COL9A2: variants seen among roughly 807,000 people sequenced by gnomAD.
The protein encoded by COL9A2 is collagen type IX alpha 2 chain.
COL9A2 carries 66 observed loss-of-function variants against 111.6 expected under a neutral mutation model. The ratio of observed to expected loss-of-function variants is 0.59; its 90% CI spans 0.48 to 0.73. The LOEUF (loss-of-function observed/expected upper bound fraction) is 0.73, where lower values mean the gene tolerates loss of function less well. Ranked by LOEUF, COL9A2 falls within the 30% of genes least tolerant of loss-of-function variation. The probability of loss-of-function intolerance (pLI) is 0.00; values close to 1 mark genes in which losing one functional copy is unlikely to be tolerated. For missense variants in COL9A2, 881 were observed against 954.1 expected (o/e 0.92, Z 1.01); for synonymous variants, 353 against 364.1 (o/e 0.97, Z 0.35).
rs1370322349 is a variant in COL9A2 at position 40,312,050 on chromosome 1, G to A, written c.417+9C>T. On this transcript the variant is annotated intron_variant, in intron 8 of 31. Coordinates refer to ENST00000372748, the MANE Select transcript of COL9A2 (RefSeq NM_001852.4). The surrounding 1 kb of genome is among the most constrained non-coding windows in gnomAD (Gnocchi z 6.0). The stretch of plus-strand genomic sequence containing the variant: ...AGGAGGCAGTGAACAGAGGGTGGCT[G>A]AGGCTCACCTTGGGGCCTCGGATTC... The A allele has an allele frequency of 6.3e-7, 1 of 1,598,016 alleles. No homozygotes were observed. Among genetic ancestry groups the A allele is most frequent in the Non-Finnish European group, 8.5e-7 (1 of 1,173,960 alleles).
chr1:40,317,230 T>C lies in COL9A2; in HGVS notation c.-33A>G. ...GGCGAGACCAAGGGGGACGGGTGCG[T>C]GTCCGCGCACGCACCGACGGCAGAG... On this transcript the variant is annotated 5_prime_UTR_variant, in exon 1 of 32. Transcript: ENST00000372748. This position sits in a 1 kb window ranked among gnomAD's most constrained non-coding sequence, Gnocchi z 4.3. 1 of 1,493,388 alleles carries C rather than the reference T, an allele frequency of 6.7e-7. No individual in the cohort carries two copies. Among genetic ancestry groups the C allele is most frequent in the Non-Finnish European group, 9.0e-7 (1 of 1,107,482 alleles). The allele number at this position is 1,493,388 out of a possible 1,614,324, so 92.5% of individuals were successfully genotyped here. A position where few individuals can be genotyped will look rare whatever the true frequency, so the allele number is the denominator to read the frequency against.
At chr1:40,315,229 C>G in intron 2 of COL9A2, 1 of 1,072,062 alleles carries the variant, frequency 9.3e-7, no homozygotes, top group South Asian at 3.2e-5. Flanking sequence ...CCAAGGCTCC[C>G]AAGCGAACCT....
rs942821077 is a variant in COL9A2, at chr1:40,315,345, C to T, written c.150+245G>A. The T allele has an allele frequency of 3.4e-5, 46 of 1,341,912 alleles. No homozygotes were observed. The African/African-American group carries it at 6.7e-4, about 20-fold the overall frequency. The allele number at this position is 1,341,912 out of a possible 1,614,324, so 83.1% of individuals were successfully genotyped here. A position where few individuals can be genotyped will look rare whatever the true frequency, so the allele number is the denominator to read the frequency against. ...GGGGATGAGGCCTCGCTGTGAGCTG[C>T]GGCCGGCGGACTGAACAGCAGCTCC... is the stretch of plus-strand genomic sequence containing the variant. On this transcript the variant is annotated intron_variant, in intron 2 of 31. Transcript: ENST00000372748.
intron 24 of COL9A2, 34 bp downstream of exon 24, chr1:40,304,286 C>A (rs1431342024): frequency 7.7e-6 from 12 of 1,551,262 alleles, no homozygotes; most frequent in Non-Finnish European, 1.0e-5. Context: ...TTATAGGGCC[C>A]CTTTCCCAGG....
intron 25 of COL9A2, 40 bp from the exon 26 acceptor site, chr1:40,304,012 G>A (rs749271669): frequency 3.2e-6 from 5 of 1,570,874 alleles, no homozygotes; most frequent in Non-Finnish European, 4.3e-6. Flanking sequence ...GGTGGCGGCG[G>A]GGACGCAGAG....
rs750048263 is a variant in COL9A2 at position 40,303,563 on chromosome 1, G to C, written c.1515C>G (p.Gly505=). ...PGPRGLAGNR[G]VPGQPGRQGV... is the part of the protein sequence containing the mutation. ...CCTGTCTCCCGGGCTGTCCTGGCAC[G>C]CCTCGGTTCCCGGCCAGTCCTCGAG... The change falls in exon 28 of 32, where the codon GGC becomes GGG. Residue 505 remains glycine, a synonymous_variant. Coordinates refer to ENST00000372748, the MANE Select transcript of COL9A2 (RefSeq NM_001852.4). This position sits in a 1 kb window ranked among gnomAD's most constrained non-coding sequence, Gnocchi z 4.6. 1 of 1,611,356 alleles carries C rather than the reference G, an allele frequency of 6.2e-7. No individual in the cohort carries two copies. Among genetic ancestry groups the C allele is most frequent in the African/African-American group, 1.3e-5 (1 of 74,698 alleles).
chr1:40,310,750 C>G lies in COL9A2; in HGVS notation c.648G>C (p.Val216=), dbSNP rs776355717. 1.9e-6 allele frequency: 3 copies of G among 1,563,634 alleles called. No individual in the cohort carries two copies. ...GGATGCCTTGCTCTCCAGAGGCACC[C>G]ACATCTCCCTTGGGACCCTAAAGGG... ...HQGKPGPKGD[V]GASGEQGIPG... is the part of the protein sequence containing the mutation. The change falls in exon 13 of 32, where the codon GTG becomes GTC. Residue 216 remains valine (V), a synonymous_variant. Coordinates refer to ENST00000372748, the MANE Select transcript of COL9A2 (RefSeq NM_001852.4). The surrounding 1 kb of genome is among the most constrained non-coding windows in gnomAD (Gnocchi z 4.9).
At position 40,312,327 on chromosome 1, in the gene COL9A2, G is replaced by C. The variant is rs946343651; in HGVS notation, c.363+129C>G. 3.7e-6 allele frequency: 5 copies of C among 1,349,392 alleles called. No individual in the cohort carries two copies. Among genetic ancestry groups the C allele is most frequent in the Non-Finnish European group, 5.2e-6 (5 of 963,672 alleles). 83.6% of individuals were successfully genotyped at this position (1,349,392 alleles called of 1,614,324 possible). A position where few individuals can be genotyped will look rare whatever the true frequency, so the allele number is the denominator to read the frequency against. ...TGGGCTGGCCCTGGGTCTCTGGCAG[G>C]TCCACTTATTCCTGACACTATCACA... is the stretch of plus-strand genomic sequence containing the variant. On this transcript the variant is annotated intron_variant, in intron 7 of 31. Coordinates refer to ENST00000372748, the MANE Select transcript of COL9A2 (RefSeq NM_001852.4). This position sits in a 1 kb window ranked among gnomAD's most constrained non-coding sequence, Gnocchi z 6.0.
At chr1:40,315,790 G>C (rs1644209999) in intron 1 of COL9A2, 126 bp from the exon 2 acceptor site, 2 of 636,614 alleles carry the variant, frequency 3.1e-6, no homozygotes, top group Admixed American at 3.0e-5. Flanking sequence ...CCCACGTATT[G>C]AGAATCTTCT....
Position 40,311,915 on chromosome 1 carries a change from C to T in COL9A2, c.417+144G>A. 4.8e-6 allele frequency: 5 copies of T among 1,034,170 alleles called. No homozygotes were observed. Among genetic ancestry groups the T allele is most frequent in the Non-Finnish European group, 7.4e-6 (5 of 677,526 alleles). 64.1% of individuals were successfully genotyped at this position (1,034,170 alleles called of 1,614,324 possible). A position where few individuals can be genotyped will look rare whatever the true frequency, so the allele number is the denominator to read the frequency against. ...CCTAAAAGACCTAGTGCCGGGTGGG[C>T]TCATAGGAGGGGTTTCTGCCCCAGA... is the stretch of plus-strand genomic sequence containing the variant. On this transcript the variant is annotated intron_variant, in intron 8 of 31. Transcript: ENST00000372748. The surrounding 1 kb of genome is among the most constrained non-coding windows in gnomAD (Gnocchi z 5.1).
In COL9A2 at chr1:40,301,394, G is replaced by GA; in HGVS notation, c.1871-14dup. On this transcript the variant is annotated splice_polypyrimidine_tract_variant and intron_variant, in intron 31 of 31. Coordinates refer to ENST00000372748, the MANE Select transcript of COL9A2 (RefSeq NM_001852.4). ...CGGCCAGGGAGTCCTGTGAACAGGA[G>GA]AAAGTCAAGACATTAGGGGCACCTC... 1.2e-6 allele frequency: 2 copies of GA among 1,602,802 alleles called. No individual in the cohort carries two copies. The highest frequency in any genetic ancestry group is 1.7e-6 in the Non-Finnish European group (2 of 1,174,588).
Position 40,314,449 on chromosome 1 carries a change from A to C in COL9A2, c.151-62T>G. On this transcript the variant is annotated intron_variant, in intron 2 of 31. Transcript: ENST00000372748. This position sits in a 1 kb window ranked among gnomAD's most constrained non-coding sequence, Gnocchi z 4.1. ...CTCACACTACCCCAAGTGGGCACAC[A>C]CAGGCCCTGGCAGGCCGCTCCCAAA... 2 of 1,606,152 alleles carry C rather than the reference A, an allele frequency of 1.2e-6. No individual in the cohort carries two copies. Among genetic ancestry groups the C allele is most frequent in the Non-Finnish European group, 1.7e-6 (2 of 1,172,766 alleles).
At position 40,311,325 on chromosome 1, in the gene COL9A2, G is replaced by A. The variant is rs1644121134; in HGVS notation, c.520-39C>T. 1.9e-6 allele frequency: 3 copies of A among 1,606,664 alleles called. No homozygotes were observed. The highest frequency in any genetic ancestry group is 2.2e-5 in the South Asian group (2 of 90,216). ...ATCCCACAGGGTCCTGTGATCAGCT[G>A]GGCAGTGCGCCCCCATCTCTCCAAG... On this transcript the variant is annotated intron_variant, in intron 10 of 31. Transcript: ENST00000372748. This position sits in a 1 kb window ranked among gnomAD's most constrained non-coding sequence, Gnocchi z 5.1.
rs1476294427 is a variant in COL9A2, at chr1:40,303,688, TG to T, written c.1402-13del. ...CCACGTACTCCTTGCTGCGGGGGGA[TG>T]GGGGTGGGAGCAGAGCCGGGTGAGA... On this transcript the variant is annotated splice_polypyrimidine_tract_variant and intron_variant, in intron 27 of 31. Transcript: ENST00000372748. This position sits in a 1 kb window ranked among gnomAD's most constrained non-coding sequence, Gnocchi z 4.6. 22 of 1,186,868 alleles carry T rather than the reference TG, an allele frequency of 1.9e-5. No individual in the cohort carries two copies. The highest frequency in any genetic ancestry group is 2.4e-5 in the Non-Finnish European group (22 of 930,224). 73.5% of individuals were successfully genotyped at this position (1,186,868 alleles called of 1,614,324 possible).
chr1:40,304,263 C>A (rs1643983589), intron 24 of COL9A2, 57 bp downstream of exon 24: 2 of 1,542,648 alleles, frequency 1.3e-6, no homozygotes, highest in Admixed American at 2.0e-5. Flanking sequence ...TCCTGCCGAC[C>A]CCACTCCCCC....
Position 40,311,010 on chromosome 1 carries a change from G to A in COL9A2, c.630+83C>T. The A allele has an allele frequency of 1.3e-6, 2 of 1,563,240 alleles. No individual in the cohort carries two copies. Among genetic ancestry groups the A allele is most frequent in the South Asian group, 1.1e-5 (1 of 89,984 alleles). On this transcript the variant is annotated intron_variant, in intron 12 of 31. Transcript: ENST00000372748. This position sits in a 1 kb window ranked among gnomAD's most constrained non-coding sequence, Gnocchi z 5.1. The stretch of plus-strand genomic sequence containing the variant: ...CTGTCCCCAGAACCCACAGGGGAAG[G>A]GGAAGGGACGAAGAAGGGGACAGAG...
At chr1:40,301,789 G>A in intron 31 of COL9A2, 23 bp downstream of exon 31, 6 of 1,610,990 alleles carry the variant, frequency 3.7e-6, no homozygotes, top group Non-Finnish European at 5.1e-6. Context: ...ACACACTGCA[G>A]CTGGGCAGGG....
chr1:40,310,635 G>T lies in COL9A2; in HGVS notation c.684+79C>A. 1 of 1,255,182 alleles carries T rather than the reference G, an allele frequency of 8.0e-7. No individual in the cohort carries two copies. The highest frequency in any genetic ancestry group is 1.1e-6 in the Non-Finnish European group (1 of 876,446). The allele number at this position is 1,255,182 out of a possible 1,614,324, so 77.8% of individuals were successfully genotyped here. A position where few individuals can be genotyped will look rare whatever the true frequency, so the allele number is the denominator to read the frequency against. ...ACAGGTGTCTCTTTTACAAGCTAGA[G>T]GCCTGAGCAGGGGAATGACTCCATG... On this transcript the variant is annotated intron_variant, in intron 13 of 31. Coordinates refer to ENST00000372748, the MANE Select transcript of COL9A2 (RefSeq NM_001852.4). This position sits in a 1 kb window ranked among gnomAD's most constrained non-coding sequence, Gnocchi z 4.9.
chr1:40,303,041 C>T lies in COL9A2; in HGVS notation c.1603+90G>A. 1 of 1,401,570 alleles carries T rather than the reference C, an allele frequency of 7.1e-7. No homozygotes were observed. Among genetic ancestry groups the T allele is most frequent in the Non-Finnish European group, 9.9e-7 (1 of 1,010,566 alleles). The allele number at this position is 1,401,570 out of a possible 1,614,324, so 86.8% of individuals were successfully genotyped here. ...AGGAGCCCCCAGGACTCCAGATTTT[C>T]AGACAAGTGAACACGTGGAGGCTCC... On this transcript the variant is annotated intron_variant, in intron 29 of 31. Transcript: ENST00000372748. This position sits in a 1 kb window ranked among gnomAD's most constrained non-coding sequence, Gnocchi z 4.6.
Sources: allele counts gnomAD v4.1 joint callset, GRCh38; gene constraint gnomAD v4.1.1; non-coding constraint Gnocchi (gnomAD v3.1); transcripts MANE v1.5; gene names NCBI Gene and HGNC (gene_info 2026-07-23, HGNC 2026-07-21).